Variants in GTF2A2 observed in about 807,000 individuals in gnomAD.
GTF2A2 encodes transcription initiation factor IIA subunit 2.
A neutral mutation model predicts 14.3 loss-of-function variants in GTF2A2; 9 were observed. The ratio of observed to expected loss-of-function variants is 0.63; its 90% CI spans 0.38 to 1.10. GTF2A2 has a LOEUF of 1.10. GTF2A2 is among the 50% of genes least tolerant of loss of function. GTF2A2 has a pLI of 0.01. For synonymous variants in GTF2A2, 56 were observed against 46.0 expected (o/e 1.22, Z -0.88); for missense variants, 90 against 124.6 (o/e 0.72, Z 1.32).
chr15:59,639,218 T>TAACTATTTTAACACTATCA (rs1891299551), intron 4 of GTF2A2, 61 bp from the exon 5 acceptor site: 3 of 995,370 alleles, frequency 3.0e-6, no homozygotes, highest in Non-Finnish European at 4.8e-6. Context: ...ATTTTACAAT[T>TAACTATTTTAACACTATCA]AACTATTTTA....
chr15:59,652,143 A>T (rs1226467909), intron 2 of GTF2A2, 63 bp downstream of exon 2: 2 of 909,028 alleles, frequency 2.2e-6, no homozygotes, highest in Non-Finnish European at 3.6e-6. Flanking sequence ...CCTAAGTGAT[A>T]TGACAAGAAT....
At position 59,639,030 on chromosome 15, in the gene GTF2A2, G is replaced by A. The variant is rs1024503665; in HGVS notation, c.*102C>T. Reference sequence around the variant, plus strand: ...GAATTCTCTGGTATAGCACAGTGTAGTCATTTCTGCAATTCTAGAATAAAT... The same window carrying A: ...GAATTCTCTGGTATAGCACAGTGTAATCATTTCTGCAATTCTAGAATAAAT... On this transcript the variant is annotated 3_prime_UTR_variant, in exon 5 of 5. Coordinates refer to ENST00000396060, the MANE Select transcript of GTF2A2 (RefSeq NM_004492.3). 4.8e-5 allele frequency: 36 copies of A among 746,870 alleles called. No homozygotes were observed. The highest frequency in any genetic ancestry group is 7.8e-5 in the Non-Finnish European group (32 of 412,578). 46.3% of individuals were successfully genotyped at this position (746,870 alleles called of 1,614,324 possible). A position where few individuals can be genotyped will look rare whatever the true frequency, so the allele number is the denominator to read the frequency against.
intron 3 of GTF2A2, among the ~76,000 whole-genome samples, chr15:59,642,636 C>T (rs931189882): frequency 6.6e-6 from 1 of 152,186 alleles, no homozygotes; most frequent in Non-Finnish European, 1.5e-5. Flanking sequence ...TGTTAATTCT[C>T]CAAATGTACA....
chr15:59,657,426 T>G lies in GTF2A2; in HGVS notation c.-70A>C, dbSNP rs7164756. ...ACTACCTGTGGGGAAGGCGCTTCCC[T>G]CCGCGGAGCGGACAGAAGCCGCCAC... On this transcript the variant is annotated 5_prime_UTR_variant, in exon 1 of 5. Transcript: ENST00000396060. The G allele has an allele frequency of 0.65, 99,585 of 152,356 alleles. 32,895 individuals carry two copies. The highest frequency in any genetic ancestry group is 0.73 in the African/African-American group (30,281 of 41,542). The allele number at this position is 152,356 out of a possible 1,614,324, so 9.4% of individuals were successfully genotyped here.
intron 4 of GTF2A2, among the ~76,000 whole-genome samples, chr15:59,639,620 G>A (rs1259401426): frequency 6.0e-5 from 9 of 150,684 alleles, no homozygotes; most frequent in African/African-American, 1.2e-4. Context: ...CCGCCACCTC[G>A]CCCAGCTAAT....
At chr15:59,657,159 C>T (rs1048434927) in intron 1 of GTF2A2, 8 of 152,254 alleles carry the variant, frequency 5.3e-5, no homozygotes, top group African/African-American at 1.9e-4. Context: ...GAAGACCTCC[C>T]CTAGGTGGGT....
At position 59,639,031 on chromosome 15, in the gene GTF2A2, T is replaced by C. The variant is rs962586826; in HGVS notation, c.*101A>G. ...AATTCTCTGGTATAGCACAGTGTAGTCATTTCTGCAATTCTAGAATAAATA... is the reference window on the plus strand; with the variant it reads ...AATTCTCTGGTATAGCACAGTGTAGCCATTTCTGCAATTCTAGAATAAATA... On this transcript the variant is annotated 3_prime_UTR_variant, in exon 5 of 5. Transcript: ENST00000396060. The C allele has an allele frequency of 1.6e-5, 12 of 749,556 alleles. No individual in the cohort carries two copies. Among genetic ancestry groups the C allele is most frequent in the Non-Finnish European group, 2.9e-5 (12 of 414,290 alleles). 46.4% of individuals were successfully genotyped at this position (749,556 alleles called of 1,614,324 possible). A position where few individuals can be genotyped will look rare whatever the true frequency, so the allele number is the denominator to read the frequency against.
Position 59,638,910 on chromosome 15 carries a change from C to A in GTF2A2, c.*222G>T. 4.4e-6 allele frequency: 2 copies of A among 457,058 alleles called. No individual in the cohort carries two copies. Among genetic ancestry groups the A allele is most frequent in the Non-Finnish European group, 7.9e-6 (2 of 252,246 alleles). The allele number at this position is 457,058 out of a possible 1,614,324, so 28.3% of individuals were successfully genotyped here. ...TTATTAAAGAAGGTTCTTAGGAAGGCAACAACTTTTGTCCTTAAAAAAAAG... is the reference window on the plus strand; with the variant it reads ...TTATTAAAGAAGGTTCTTAGGAAGGAAACAACTTTTGTCCTTAAAAAAAAG... On this transcript the variant is annotated 3_prime_UTR_variant, in exon 5 of 5. Coordinates refer to ENST00000396060, the MANE Select transcript of GTF2A2 (RefSeq NM_004492.3).
intron 3 of GTF2A2, among the ~76,000 whole-genome samples, chr15:59,646,287 C>A (rs1196373104): frequency 6.6e-6 from 1 of 152,106 alleles, no homozygotes; most frequent in African/African-American, 2.4e-5. Flanking sequence ...AACTCCTGAC[C>A]TCAAGTGGTC....
intron 4 of GTF2A2, chr15:59,640,242 T>A (rs1566923496): frequency 6.6e-6 from 1 of 152,134 alleles, no homozygotes; most frequent in East Asian, 1.9e-4. Flanking sequence ...TCCACTGAAG[T>A]TTGGAAAACA....
chr15:59,649,910 G>A (rs1891739256), intron 3 of GTF2A2, among the ~76,000 whole-genome samples: 1 of 152,046 alleles, frequency 6.6e-6, no homozygotes, highest in East Asian at 1.9e-4. Context: ...TCAAATTTTG[G>A]TTGTAACCAT....
intron 3 of GTF2A2, 97 bp from the exon 4 acceptor site, chr15:59,642,359 T>C: frequency 9.6e-7 from 1 of 1,040,808 alleles, no homozygotes. Context: ...AAGAACATAA[T>C]AAGTTTAATG....
intron 3 of GTF2A2, among the ~76,000 whole-genome samples, chr15:59,645,279 T>C (rs10851661): frequency 0.97 from 147,531 of 152,288 alleles, 71,639 homozygotes; most frequent in East Asian, 1. Context: ...AGCATGTGAT[T>C]ATGATATTCA....
Position 59,638,412 on chromosome 15 carries a change from C to G in GTF2A2, c.*720G>C, listed in dbSNP as rs927527119. On this transcript the variant is annotated 3_prime_UTR_variant, in exon 5 of 5. Coordinates refer to ENST00000396060, the MANE Select transcript of GTF2A2 (RefSeq NM_004492.3). ...CTGACATAAAAGTCTAATAATTAGA[C>G]TTTATTGTAAGTCTAATGTATCTTG... 5 of 150,580 alleles carry G rather than the reference C, an allele frequency of 3.3e-5. No homozygotes were observed. The highest frequency in any genetic ancestry group is 7.4e-5 in the Non-Finnish European group (5 of 67,650). 9.3% of individuals were successfully genotyped at this position (150,580 alleles called of 1,614,324 possible). A position where few individuals can be genotyped will look rare whatever the true frequency, so the allele number is the denominator to read the frequency against.
Position 59,641,181 on chromosome 15 carries a change from C to CTTTTTTTT in GTF2A2, c.304+947_304+954dup, listed in dbSNP as rs374075324. ...CCAGCCTGGGCAATACAGCAAGACTCTTTTTTTTTTTTTTTTTTTAAGGCT... is the reference window on the plus strand; with the variant it reads ...CCAGCCTGGGCAATACAGCAAGACTCTTTTTTTTTTTTTTTTTTTTTTTTTTTAAGGCT... On this transcript the variant is annotated intron_variant, in intron 4 of 4. Transcript: ENST00000396060. Among the ~76,000 whole-genome samples the CTTTTTTTT allele has an allele frequency of 7.2e-3, 1,016 of 141,188 alleles. 20 individuals carry two copies. Among genetic ancestry groups the CTTTTTTTT allele is most frequent in the African/African-American group, 0.026 (967 of 37,378 alleles). 92.6% of individuals were successfully genotyped at this position (141,188 alleles called of 152,430 possible).
At chr15:59,643,984 T>C (rs1891520461) in intron 3 of GTF2A2, among the ~76,000 whole-genome samples, 2 of 152,164 alleles carry the variant, frequency 1.3e-5, no homozygotes, top group African/African-American at 4.8e-5. Flanking sequence ...AACCTCTGTC[T>C]CCCAGGTTCA....
At chr15:59,648,734 A>C (rs1370652319) in intron 3 of GTF2A2, among the ~76,000 whole-genome samples, 1 of 152,090 alleles carries the variant, frequency 6.6e-6, no homozygotes, top group Non-Finnish European at 1.5e-5. Flanking sequence ...GGAGATAGAG[A>C]CCATCCTGGC....
At chr15:59,648,008 A>C (rs1194980090) in intron 3 of GTF2A2, among the ~76,000 whole-genome samples, 1 of 152,184 alleles carries the variant, frequency 6.6e-6, no homozygotes, top group Non-Finnish European at 1.5e-5. Flanking sequence ...TGTGGCATTA[A>C]ATCTTTTAAC....
intron 2 of GTF2A2, 76 bp from the exon 3 acceptor site, chr15:59,650,849 T>C (rs1203307893): frequency 1.3e-6 from 1 of 794,924 alleles, no homozygotes; most frequent in South Asian, 1.6e-5. Flanking sequence ...ATACAAATTA[T>C]CATCTAAAAT....
Sources: gnomAD v4.1 joint callset for allele counts (sites outside exome capture counted in the v4.1 genomes callset) on GRCh38, gnomAD v4.1.1 for gene constraint, MANE v1.5 for transcripts, NCBI Gene and HGNC (gene_info 2026-07-23, HGNC 2026-07-21) for gene names.